The following TSHR variants were observed in gnomAD, a reference collection of about 807,000 sequenced individuals.
TSHR encodes the protein thyroid stimulating hormone receptor, also known as thyrotropin receptor.
TSHR carries 51 observed loss-of-function variants against 64.1 expected under a neutral mutation model. The observed-to-expected ratio is 0.80, with a 90% CI of 0.64 to 1.01. TSHR has a LOEUF of 1.01. TSHR is among the 50% of genes least tolerant of loss of function. The pLI, the probability that TSHR is intolerant of heterozygous loss-of-function variation, is 0.00. For missense variants in TSHR, 877 were observed against 942.8 expected, an observed-to-expected ratio of 0.93 and a Z score of 0.91; for synonymous variants, 361 against 361.9, an observed-to-expected ratio of 1.00 and a Z score of 0.03.
At position 81,086,796 on chromosome 14, in the gene TSHR, T is replaced by A. The variant is rs117669001; in HGVS notation, c.318-1158T>A. Reference sequence around the variant, plus strand: ...ACAACATGGATGAACCTCACAGACATTATGCTAAATGAAAGAAGGCAGACA... The same window carrying A: ...ACAACATGGATGAACCTCACAGACAATATGCTAAATGAAAGAAGGCAGACA... On this transcript the variant is annotated intron_variant, in intron 3 of 9. Coordinates refer to ENST00000298171, the MANE Select transcript of TSHR (RefSeq NM_000369.5). Among the ~76,000 whole-genome samples the A allele has an allele frequency of 2.4e-4, 37 of 152,310 alleles. No individual in the cohort carries two copies. The East Asian group carries it at 7.1e-3, about 29-fold the overall frequency.
intron 3 of TSHR, among the ~76,000 whole-genome samples, chr14:81,072,287 T>A (rs1296765699): frequency 6.6e-6 from 1 of 152,216 alleles, no homozygotes; most frequent in Admixed American, 6.5e-5. Context: ...AAAGTAGAAC[T>A]GCTTGTATGC....
At chr14:81,080,079 A>G (rs1044819068) in intron 3 of TSHR, among the ~76,000 whole-genome samples, 1 of 152,172 alleles carries the variant, frequency 6.6e-6, no homozygotes, top group Admixed American at 6.5e-5. Flanking sequence ...CAGACTCCCA[A>G]GTAGCTAGGA....
intron 1 of TSHR, among the ~76,000 whole-genome samples, chr14:81,008,644 G>A (rs1889735080): frequency 1.3e-5 from 2 of 152,162 alleles, no homozygotes; most frequent in South Asian, 4.1e-4. Context: ...GGAAATTAAG[G>A]TCTTTAAGCT....
chr14:81,074,265 G>A (rs1216426643), intron 3 of TSHR, among the ~76,000 whole-genome samples: 6 of 152,112 alleles, frequency 3.9e-5, no homozygotes, highest in African/African-American at 1.4e-4. Context: ...TTCTTCAAAT[G>A]TTTCTAATAT....
intron 1 of TSHR, among the ~76,000 whole-genome samples, chr14:81,007,682 C>T (rs188149692): frequency 6.6e-6 from 1 of 152,320 alleles, no homozygotes; most frequent in African/African-American, 2.4e-5. Flanking sequence ...ACTGTATTCT[C>T]ACTTACAGAA....
In TSHR at chr14:81,000,162, G is replaced by C. The variant is rs1311794754; in HGVS notation, c.170+44312G>C. On this transcript the variant is annotated intron_variant, in intron 1 of 9. Coordinates refer to ENST00000298171, the MANE Select transcript of TSHR (RefSeq NM_000369.5). ...GCCCAGGCTGGTCTCGAACTCCTGAGCTCAGGCAATCCGCCCGCCTTGGCC... is the reference window on the plus strand; with the variant it reads ...GCCCAGGCTGGTCTCGAACTCCTGACCTCAGGCAATCCGCCCGCCTTGGCC... Among the ~76,000 whole-genome samples, 4 of 151,920 alleles carry C rather than the reference G, an allele frequency of 2.6e-5. No homozygotes were observed. In the East Asian group the frequency reaches 7.7e-4, roughly 29 times the overall value.
At chr14:80,997,848 C>T (rs1287624896) in intron 1 of TSHR, among the ~76,000 whole-genome samples, 1 of 152,220 alleles carries the variant, frequency 6.6e-6, no homozygotes, top group African/African-American at 2.4e-5. Flanking sequence ...CCCCAGGTAG[C>T]TGTCGCCTGA....
chr14:81,029,189 C>T (rs1055346530), intron 1 of TSHR, among the ~76,000 whole-genome samples: 1 of 151,976 alleles, frequency 6.6e-6, no homozygotes, highest in Non-Finnish European at 1.5e-5. Flanking sequence ...ACTCCCTTTT[C>T]CCATGTAAAA....
At chr14:81,084,302 A>C (rs187338837) in intron 3 of TSHR, among the ~76,000 whole-genome samples, 1 of 152,298 alleles carries the variant, frequency 6.6e-6, no homozygotes, top group East Asian at 1.9e-4. Flanking sequence ...GAGAATATAT[A>C]AAGCTTTACT....
At chr14:81,068,149 C>T in intron 2 of TSHR, 105 bp from the exon 3 acceptor site, 1 of 1,035,488 alleles carries the variant, frequency 9.7e-7, no homozygotes, top group Non-Finnish European at 1.5e-6. Flanking sequence ...GTACATGTTG[C>T]ATGATCTGGG....
At chr14:81,037,424 C>CA (rs1884691823) in intron 1 of TSHR, among the ~76,000 whole-genome samples, 1 of 114,234 alleles carries the variant, frequency 8.8e-6, no homozygotes, top group East Asian at 2.5e-4. Context: ...AAATACAAAA[C>CA]AAACAAACAA....
At chr14:81,028,889 GACT>G (rs1405308039) in intron 1 of TSHR, among the ~76,000 whole-genome samples, 3 of 151,754 alleles carry the variant, frequency 2.0e-5, no homozygotes, top group Non-Finnish European at 2.9e-5. Context: ...TCTTTGAAAA[GACT>G]AATAAAATTG....
intron 1 of TSHR, among the ~76,000 whole-genome samples, chr14:81,026,181 A>C (rs1406535338): frequency 2.6e-5 from 4 of 152,238 alleles, no homozygotes; most frequent in Admixed American, 1.3e-4. Context: ...CATTGAATGT[A>C]AACTCCAGGG....
rs1285598045 is a variant in TSHR at position 81,144,714 on chromosome 14, T to A, written c.*361T>A. The A allele has an allele frequency of 4.0e-5, 11 of 276,222 alleles. No individual in the cohort carries two copies. In the East Asian group the frequency reaches 6.0e-4, roughly 15 times the overall value. 17.1% of individuals were successfully genotyped at this position (276,222 alleles called of 1,614,324 possible). Reference sequence around the variant, plus strand: ...CTTCTCAGTTTTGTATAACATTTCATACTAAAGATTCAGCAAATGGAAAAT... The same window carrying A: ...CTTCTCAGTTTTGTATAACATTTCAAACTAAAGATTCAGCAAATGGAAAAT... On this transcript the variant is annotated 3_prime_UTR_variant, in exon 10 of 10. Coordinates refer to ENST00000298171, the MANE Select transcript of TSHR (RefSeq NM_000369.5).
chr14:81,116,197 A>C (rs1174588089), intron 8 of TSHR, among the ~76,000 whole-genome samples: 1 of 150,410 alleles, frequency 6.6e-6, no homozygotes, highest in African/African-American at 2.5e-5. Flanking sequence ...CTTTAAATGT[A>C]AATGGACTAA....
chr14:81,042,648 G>C (rs1426173933), intron 1 of TSHR, among the ~76,000 whole-genome samples: 1 of 151,974 alleles, frequency 6.6e-6, no homozygotes, highest in African/African-American at 2.4e-5. Flanking sequence ...GTAGGGGTAA[G>C]AGGAGGATGG....
intron 1 of TSHR, among the ~76,000 whole-genome samples, chr14:81,015,385 A>G (rs1283123614): frequency 2.0e-5 from 3 of 152,204 alleles, no homozygotes; most frequent in Non-Finnish European, 4.4e-5. Context: ...TTTCTAATGC[A>G]TAATTTTCAA....
intron 1 of TSHR, chr14:80,995,768 A>G (rs1396363014): frequency 6.6e-6 from 1 of 151,952 alleles, no homozygotes; most frequent in Non-Finnish European, 1.5e-5. Context: ...CTGTACAACA[A>G]ACTCCCATGA....
Position 81,103,771 on chromosome 14 carries a change from G to T in TSHR, c.615-4604G>T, listed in dbSNP as rs1463994950. On this transcript the variant is annotated intron_variant, in intron 7 of 9. Transcript: ENST00000298171. The surrounding 1 kb of genome is among the most constrained non-coding windows in gnomAD (Gnocchi z 4.1). ...AATTTCTTTTCCATCCTCTTTCCAC[G>T]CAATCTGCGTGGGGATATGTTGCTT... The T allele has an allele frequency of 1.0e-6, 1 of 985,326 alleles. No homozygotes were observed. The highest frequency in any genetic ancestry group is 6.1e-5 in the Admixed American group (1 of 16,272). The allele number at this position is 985,326 out of a possible 1,614,324, so 61.0% of individuals were successfully genotyped here.
Sources: allele counts gnomAD v4.1 joint callset (sites outside exome capture counted in the v4.1 genomes callset), GRCh38; gene constraint gnomAD v4.1.1; non-coding constraint Gnocchi (gnomAD v3.1); transcripts MANE v1.5; gene names NCBI Gene and HGNC (gene_info 2026-07-23, HGNC 2026-07-21).